The following DAPK1 variants were observed in gnomAD, a reference collection of about 807,000 sequenced individuals.
The protein encoded by DAPK1 is death-associated protein kinase 1.
In DAPK1, 56 loss-of-function variants were observed where a neutral mutation model predicts 144.9. The ratio of observed to expected loss-of-function variants is 0.39; its 90% CI spans 0.31 to 0.48. The LOEUF (loss-of-function observed/expected upper bound fraction) is 0.48. Among genes scored for constraint, DAPK1 ranks in the 20% least tolerant of loss-of-function variants. The probability of loss-of-function intolerance (pLI) is 0.95; values close to 1 mark genes in which losing one functional copy is unlikely to be tolerated. For synonymous variants in DAPK1, 690 were observed against 749.0 expected (o/e 0.92, Z 1.29); for missense variants, 1,454 against 1,875.4 (o/e 0.78, Z 4.15).
At chr9:87,642,202 A>G (rs1830122609) in intron 10 of DAPK1, 144 bp downstream of exon 10, 1 of 536,946 alleles carries the variant, frequency 1.9e-6, no homozygotes, top group East Asian at 3.1e-5. Flanking sequence ...GTTCTGCACC[A>G]TTACTCTATT....
At chr9:87,639,274 TGG>T in intron 4 of DAPK1, 78 bp from the exon 5 acceptor site, 6 of 1,259,310 alleles carry the variant, frequency 4.8e-6, no homozygotes, top group South Asian at 3.6e-5. Flanking sequence ...TTTTTTTTTT[TGG>T]AGAGAAGAAC....
chr9:87,545,681 G>C (rs1296380360), intron 2 of DAPK1, among the ~76,000 whole-genome samples: 2 of 152,124 alleles, frequency 1.3e-5, no homozygotes, highest in African/African-American at 4.8e-5. Flanking sequence ...AAGTAGCTGG[G>C]ATTACAGGCA....
intron 21 of DAPK1, among the ~76,000 whole-genome samples, chr9:87,693,107 G>C (rs1729449490): frequency 6.7e-6 from 1 of 150,354 alleles, no homozygotes; most frequent in African/African-American, 2.4e-5. Flanking sequence ...CCTGCATCTG[G>C]ATTTCCAAAT....
At chr9:87,624,906 C>T (rs1255886087) in intron 3 of DAPK1, among the ~76,000 whole-genome samples, 1 of 152,208 alleles carries the variant, frequency 6.6e-6, no homozygotes, top group African/African-American at 2.4e-5. Context: ...TAACCATCTT[C>T]AGATGTGGGA....
chr9:87,652,529 G>T (rs56063679), intron 17 of DAPK1, among the ~76,000 whole-genome samples: 9 of 52,090 alleles, frequency 1.7e-4, no homozygotes, highest in African/African-American at 3.4e-4. Context: ...CTGTGTCCAT[G>T]CCCCCGATCC....
intron 15 of DAPK1, among the ~76,000 whole-genome samples, chr9:87,649,137 G>A (rs1489573128): frequency 6.6e-6 from 1 of 152,182 alleles, no homozygotes; most frequent in Non-Finnish European, 1.5e-5. Flanking sequence ...GTGGATTACT[G>A]TTATCATTCT....
chr9:87,574,716 T>C (rs1375348882), intron 2 of DAPK1, among the ~76,000 whole-genome samples: 1 of 152,088 alleles, frequency 6.6e-6, no homozygotes, highest in East Asian at 1.9e-4. Context: ...GTCAGGAGTT[T>C]GAGACCAGCC....
At chr9:87,533,972 C>T (rs12686443) in intron 2 of DAPK1, among the ~76,000 whole-genome samples, 23,437 of 152,196 alleles carry the variant, frequency 0.15, 1,882 homozygotes, top group Admixed American at 0.18. Context: ...CGAGTCCACT[C>T]ATTTTCTAAC....
chr9:87,552,971 C>G (rs1826553056), intron 2 of DAPK1, among the ~76,000 whole-genome samples: 1 of 152,104 alleles, frequency 6.6e-6, no homozygotes, highest in African/African-American at 2.4e-5. Context: ...GTGTTGCAGC[C>G]CTCACTAACG....
At chr9:87,513,322 G>A (rs1231157440) in intron 2 of DAPK1, among the ~76,000 whole-genome samples, 1 of 152,170 alleles carries the variant, frequency 6.6e-6, no homozygotes, top group Non-Finnish European at 1.5e-5. Flanking sequence ...CAACAGTATT[G>A]GAAAGCCTAA....
intron 2 of DAPK1, among the ~76,000 whole-genome samples, chr9:87,583,729 A>G (rs1827834539): frequency 6.6e-6 from 1 of 151,948 alleles, no homozygotes; most frequent in South Asian, 2.1e-4. Context: ...CCAAACCTTC[A>G]TTTCCAGGCA....
chr9:87,654,138 T>C (rs1830552709), intron 17 of DAPK1, among the ~76,000 whole-genome samples: 1 of 152,214 alleles, frequency 6.6e-6, no homozygotes, highest in Admixed American at 6.5e-5. Context: ...ACTGTGCTTT[T>C]AGGTTCATAA....
At chr9:87,539,402 A>C (rs954320401) in intron 2 of DAPK1, among the ~76,000 whole-genome samples, 4 of 151,168 alleles carry the variant, frequency 2.6e-5, no homozygotes, top group South Asian at 4.2e-4. Flanking sequence ...TTTCAGAAAT[A>C]CACAATTTAT....
intron 2 of DAPK1, among the ~76,000 whole-genome samples, chr9:87,565,118 G>A (rs1211896647): frequency 6.6e-6 from 1 of 152,126 alleles, no homozygotes; most frequent in African/African-American, 2.4e-5. Flanking sequence ...AAGCTCAAAG[G>A]GCCCGAGGTC....
chr9:87,588,863 T>C (rs957131205), intron 2 of DAPK1, among the ~76,000 whole-genome samples: 1 of 150,186 alleles, frequency 6.7e-6, no homozygotes, highest in South Asian at 2.2e-4. Flanking sequence ...ATGAGAACCA[T>C]CCAGATTAGT....
chr9:87,593,069 C>T (rs1828192252), intron 2 of DAPK1, among the ~76,000 whole-genome samples: 1 of 152,200 alleles, frequency 6.6e-6, no homozygotes. Context: ...TCCCTGAGAC[C>T]TGGGCCTGTG....
At chr9:87,580,623 G>T (rs137966445) in intron 2 of DAPK1, among the ~76,000 whole-genome samples, 36 of 152,166 alleles carry the variant, frequency 2.4e-4, no homozygotes, top group African/African-American at 8.4e-4. Flanking sequence ...AGCACTTATT[G>T]TATACAAGAT....
chr9:87,639,684 T>C lies in DAPK1; in HGVS notation c.588T>C (p.Leu196=). Residue 196 remains leucine, a synonymous_variant, in exon 6 of 26, where the codon CTT becomes CTC. Coordinates refer to ENST00000408954, the MANE Select transcript of DAPK1 (RefSeq NM_004938.4). ...PEIVNYEPLG[L]EADMWSIGVI... is the part of the protein sequence containing the mutation. The stretch of plus-strand genomic sequence containing the variant: ...TAGTCAACTATGAACCTCTTGGTCT[T>C]GAGGCAGATATGTGGTAAGGAGTAT... 6.2e-7 allele frequency: 1 copy of C among 1,614,194 alleles called. No homozygotes were observed. The highest frequency in any genetic ancestry group is 8.5e-7 in the Non-Finnish European group (1 of 1,180,004).
At chr9:87,641,605 T>C (rs7034915) in intron 9 of DAPK1, among the ~76,000 whole-genome samples, 8,672 of 152,218 alleles carry the variant, frequency 0.057, 828 homozygotes, top group African/African-American at 0.2. Flanking sequence ...AAACTAACTT[T>C]GCTGACCTCT....
Sources: allele counts gnomAD v4.1 joint callset (sites outside exome capture counted in the v4.1 genomes callset), GRCh38; gene constraint gnomAD v4.1.1; transcripts MANE v1.5; gene names NCBI Gene and HGNC (gene_info 2026-07-23, HGNC 2026-07-21).